CHST8: variants seen among roughly 807,000 people sequenced by gnomAD.
CHST8 encodes the protein carbohydrate sulfotransferase 8.
CHST8 carries 10 observed loss-of-function variants against 15.0 expected under a neutral mutation model. The observed-to-expected ratio is 0.67, with a 90% CI of 0.41 to 1.13. The LOEUF (loss-of-function observed/expected upper bound fraction) is 1.13. CHST8 is among the 50% of genes most tolerant of loss of function. The pLI is 0.00. For synonymous variants in CHST8, 259 were observed against 256.6 expected (o/e 1.01, Z -0.09); for missense variants, 634 against 608.2 (o/e 1.04, Z -0.45).
At chr19:33,714,723 G>C (rs189353965) in intron 3 of CHST8, among the ~76,000 whole-genome samples, 1 of 152,284 alleles carries the variant, frequency 6.6e-6, no homozygotes, top group African/African-American at 2.4e-5. Context: ...TGCTGTTCTC[G>C]TGATAGTGAA....
chr19:33,697,185 T>G (rs922510654), intron 3 of CHST8, among the ~76,000 whole-genome samples: 1 of 151,992 alleles, frequency 6.6e-6, no homozygotes, highest in East Asian at 1.9e-4. Context: ...CTGTGCCCAC[T>G]TTTTGATGGG....
At chr19:33,728,892 G>T (rs1973948481) in intron 3 of CHST8, among the ~76,000 whole-genome samples, 1 of 152,214 alleles carries the variant, frequency 6.6e-6, no homozygotes, top group African/African-American at 2.4e-5. Context: ...TGAGGACAGA[G>T]GTGAGCTCCA....
intron 3 of CHST8, among the ~76,000 whole-genome samples, chr19:33,719,482 A>G (rs533689292): frequency 6.6e-6 from 1 of 152,148 alleles, no homozygotes; most frequent in African/African-American, 2.4e-5. Context: ...CACGAAGTCC[A>G]AAGCTGAGGG....
intron 3 of CHST8, among the ~76,000 whole-genome samples, chr19:33,770,781 C>T (rs542535331): frequency 1.3e-5 from 2 of 152,166 alleles, no homozygotes; most frequent in East Asian, 1.9e-4. Context: ...GAGACCAGGG[C>T]GAGCAAGATA....
At chr19:33,664,599 A>G (rs903507737) in intron 1 of CHST8, among the ~76,000 whole-genome samples, 7 of 151,876 alleles carry the variant, frequency 4.6e-5, no homozygotes, top group Admixed American at 3.9e-4. Flanking sequence ...TAAGTGGCTT[A>G]CCCAAAAAAG....
chr19:33,737,301 T>G (rs191189589), intron 3 of CHST8, among the ~76,000 whole-genome samples: 72 of 152,358 alleles, frequency 4.7e-4, no homozygotes, highest in Admixed American at 1.0e-3. Flanking sequence ...TTGAATTCTT[T>G]CCTGCACAAA....
intron 1 of CHST8, among the ~76,000 whole-genome samples, chr19:33,660,208 A>G (rs186876756): frequency 6.6e-6 from 1 of 152,276 alleles, no homozygotes; most frequent in African/African-American, 2.4e-5. Context: ...CAATGATGCT[A>G]GTTGCCATTT....
chr19:33,694,863 A>G (rs1973180435), intron 3 of CHST8, among the ~76,000 whole-genome samples: 1 of 151,816 alleles, frequency 6.6e-6, no homozygotes, highest in East Asian at 2.0e-4. Flanking sequence ...TTACAGGCGT[A>G]AGCCACCACG....
At chr19:33,757,095 A>T (rs1974561183) in intron 3 of CHST8, among the ~76,000 whole-genome samples, 1 of 152,114 alleles carries the variant, frequency 6.6e-6, no homozygotes, top group Non-Finnish European at 1.5e-5. Context: ...GCGGAGGAAG[A>T]GCTGGCCATT....
intron 3 of CHST8, among the ~76,000 whole-genome samples, chr19:33,758,067 G>A (rs957122755): frequency 6.6e-6 from 1 of 151,710 alleles, no homozygotes; most frequent in African/African-American, 2.4e-5. Flanking sequence ...TGAGTGCTCC[G>A]GGCAGTCTCT....
chr19:33,715,358 T>C (rs1353132725), intron 3 of CHST8, among the ~76,000 whole-genome samples: 1 of 151,904 alleles, frequency 6.6e-6, no homozygotes, highest in East Asian at 1.9e-4. Context: ...CTTGGCTGGG[T>C]GGTAGCAGTT....
At chr19:33,668,046 A>T (rs1207181843) in intron 2 of CHST8, among the ~76,000 whole-genome samples, 1 of 152,178 alleles carries the variant, frequency 6.6e-6, no homozygotes, top group African/African-American at 2.4e-5. Context: ...GAGGAAAAGA[A>T]TGAGAGTGGG....
At chr19:33,675,421 G>C (rs1972796248) in intron 2 of CHST8, among the ~76,000 whole-genome samples, 1 of 152,218 alleles carries the variant, frequency 6.6e-6, no homozygotes, top group Non-Finnish European at 1.5e-5. Flanking sequence ...GACAGGAGCA[G>C]AGCCACTAGC....
At chr19:33,764,898 A>C (rs988067078) in intron 3 of CHST8, among the ~76,000 whole-genome samples, 2 of 151,794 alleles carry the variant, frequency 1.3e-5, no homozygotes, top group Admixed American at 1.3e-4. Context: ...ATGCCTTCGC[A>C]TCCTCATAGC....
chr19:33,756,291 A>C (rs1974545914), intron 3 of CHST8, among the ~76,000 whole-genome samples: 1 of 152,202 alleles, frequency 6.6e-6, no homozygotes, highest in African/African-American at 2.4e-5. Context: ...TTAGGCGGTG[A>C]CGTGGGCCTG....
At chr19:33,713,496 A>G (rs1435142890) in intron 3 of CHST8, among the ~76,000 whole-genome samples, 1 of 152,154 alleles carries the variant, frequency 6.6e-6, no homozygotes, top group Non-Finnish European at 1.5e-5. Flanking sequence ...GGGAGCATAT[A>G]GCTCTCAGGC....
At chr19:33,629,022 T>A (rs59506130) in intron 1 of CHST8, among the ~76,000 whole-genome samples, 4 of 151,976 alleles carry the variant, frequency 2.6e-5, no homozygotes, top group Non-Finnish European at 5.9e-5. Flanking sequence ...CTCTCTTGTC[T>A]GCTCACCATT....
intron 1 of CHST8, among the ~76,000 whole-genome samples, chr19:33,623,689 TG>T (rs1972015777): frequency 6.6e-6 from 1 of 152,182 alleles, no homozygotes; most frequent in Admixed American, 6.5e-5. Context: ...GTGGAGCAGG[TG>T]TGGCAGAGCC....
chr19:33,653,409 A>T lies in CHST8; in HGVS notation c.-163-14358A>T, dbSNP rs116689856. 3.2e-3 allele frequency among the ~76,000 whole-genome samples: 485 copies of T among 152,184 alleles called. 1 individual carries two copies. Among genetic ancestry groups the T allele is most frequent in the African/African-American group, 9.8e-3 (405 of 41,506 alleles). On this transcript the variant is annotated intron_variant, in intron 1 of 4. Coordinates refer to ENST00000650847, the MANE Select transcript of CHST8 (RefSeq NM_001127895.2). ...TATTTTTGTGACTTTTCTCTGTTTCATATTTTTCAGCTTCACTGAGTTAAC... is the reference window on the plus strand; with the variant it reads ...TATTTTTGTGACTTTTCTCTGTTTCTTATTTTTCAGCTTCACTGAGTTAAC...
Sources: allele counts gnomAD v4.1 joint callset (sites outside exome capture counted in the v4.1 genomes callset), GRCh38; gene constraint gnomAD v4.1.1; transcripts MANE v1.5; gene names NCBI Gene and HGNC (gene_info 2026-07-23, HGNC 2026-07-21).